The following COL15A1 variants were observed in gnomAD, a reference collection of about 807,000 sequenced individuals.
COL15A1 encodes the protein collagen alpha-1(XV) chain.
In COL15A1, 111 loss-of-function variants were observed where a neutral mutation model predicts 165.9. The ratio of observed to expected loss-of-function variants is 0.67; its 90% CI spans 0.57 to 0.78. COL15A1 has a LOEUF of 0.78. Ranked by LOEUF, COL15A1 falls within the 30% of genes least tolerant of loss-of-function variation. The pLI is 0.00. For missense variants in COL15A1, 1,745 were observed against 1,789.7 expected (o/e 0.98, Z 0.45); for synonymous variants, 659 against 674.8 (o/e 0.98, Z 0.36).
chr9:99,031,177 G>A (rs956875508), intron 16 of COL15A1, among the ~76,000 whole-genome samples: 13 of 152,102 alleles, frequency 8.5e-5, no homozygotes, highest in Admixed American at 1.3e-4. Flanking sequence ...GGCTTTGCTC[G>A]CAGAAATTCC....
At chr9:99,034,736 G>A (rs12238232) in intron 17 of COL15A1, 152 bp downstream of exon 17, 4 of 1,409,726 alleles carry the variant, frequency 2.8e-6, no homozygotes, top group East Asian at 2.5e-5. Flanking sequence ...ATTGCTCAGA[G>A]AAGGCAGAAC....
intron 5 of COL15A1, among the ~76,000 whole-genome samples, chr9:98,990,740 T>C (rs1838405992): frequency 6.6e-6 from 1 of 152,048 alleles, no homozygotes; most frequent in Admixed American, 6.6e-5. Context: ...TGGACAGAGA[T>C]AGAGAAGTGG....
At chr9:99,045,589 C>T (rs967115034) in intron 26 of COL15A1, among the ~76,000 whole-genome samples, 7 of 152,224 alleles carry the variant, frequency 4.6e-5, no homozygotes, top group African/African-American at 1.4e-4. Flanking sequence ...ACTGATGCTT[C>T]ACATAGGTCA....
chr9:98,949,828 A>G (rs868724324), intron 2 of COL15A1, among the ~76,000 whole-genome samples: 1 of 152,344 alleles, frequency 6.6e-6, no homozygotes, highest in Middle Eastern at 3.4e-3. Context: ...ATGCCCATTA[A>G]TCAATTGCTC....
chr9:98,958,752 C>T (rs923949045), intron 2 of COL15A1, among the ~76,000 whole-genome samples: 1 of 152,112 alleles, frequency 6.6e-6, no homozygotes, highest in Non-Finnish European at 1.5e-5. Context: ...GGGAAGTTCT[C>T]TAAGATGCCC....
intron 2 of COL15A1, among the ~76,000 whole-genome samples, chr9:98,973,256 G>A: frequency 6.8e-6 from 1 of 146,782 alleles, no homozygotes; most frequent in East Asian, 1.9e-4. Flanking sequence ...GAGAGAGAGG[G>A]AGAGAGAGAG....
intron 11 of COL15A1, among the ~76,000 whole-genome samples, chr9:99,019,677 T>G (rs1564060245): frequency 6.6e-6 from 1 of 151,788 alleles, no homozygotes; most frequent in Non-Finnish European, 1.5e-5. Flanking sequence ...GCCAGTTTTC[T>G]TCACTTCTCT....
chr9:98,977,034 C>A (rs1394412814), intron 2 of COL15A1, among the ~76,000 whole-genome samples: 1 of 152,012 alleles, frequency 6.6e-6, no homozygotes, highest in Non-Finnish European at 1.5e-5. Flanking sequence ...TCCAGTATGA[C>A]AATTGCATGG....
intron 6 of COL15A1, among the ~76,000 whole-genome samples, chr9:98,998,536 T>C (rs752771893): frequency 3.3e-5 from 5 of 152,178 alleles, no homozygotes; most frequent in Non-Finnish European, 5.9e-5. Flanking sequence ...AAGTTGCTGA[T>C]CAGTTTCCAA....
intron 9 of COL15A1, among the ~76,000 whole-genome samples, chr9:99,011,902 C>G (rs1170655277): frequency 6.6e-6 from 1 of 152,108 alleles, no homozygotes; most frequent in African/African-American, 2.4e-5. Flanking sequence ...TAAGTAGAAC[C>G]TTAAGATTAA....
chr9:98,986,697 G>T (rs62561179), intron 3 of COL15A1, among the ~76,000 whole-genome samples: 2 of 152,184 alleles, frequency 1.3e-5, no homozygotes, highest in Non-Finnish European at 2.9e-5. Flanking sequence ...GTCAGCACAC[G>T]TATTTACTGA....
chr9:99,054,501 C>T, intron 31 of COL15A1, 75 bp from the exon 32 acceptor site: 1 of 1,468,944 alleles, frequency 6.8e-7, no homozygotes. Flanking sequence ...AGTTTGAAAA[C>T]CTGTCTCAGA....
At chr9:98,962,234 G>T (rs1308757440) in intron 2 of COL15A1, among the ~76,000 whole-genome samples, 1 of 152,200 alleles carries the variant, frequency 6.6e-6, no homozygotes, top group Non-Finnish European at 1.5e-5. Flanking sequence ...GTTTGGGGAG[G>T]AATAACTCGG....
chr9:99,006,311 T>C (rs906334671), intron 9 of COL15A1, among the ~76,000 whole-genome samples: 1 of 152,268 alleles, frequency 6.6e-6, no homozygotes, highest in Non-Finnish European at 1.5e-5. Flanking sequence ...AGATTACTGA[T>C]ACAATATTTT....
At chr9:99,015,380 C>G in intron 9 of COL15A1, 37 bp from the exon 10 acceptor site, 4 of 1,540,052 alleles carry the variant, frequency 2.6e-6, no homozygotes, top group Non-Finnish European at 3.6e-6. Context: ...GGGGCATGGG[C>G]GAAGGGGCAC....
chr9:98,992,069 G>A (rs997228506), intron 5 of COL15A1, among the ~76,000 whole-genome samples: 10 of 152,246 alleles, frequency 6.6e-5, no homozygotes, highest in South Asian at 2.1e-4. Context: ...AGTGGATCCC[G>A]CACGAGGGCA....
intron 2 of COL15A1, among the ~76,000 whole-genome samples, chr9:98,962,708 G>C (rs1305528044): frequency 3.3e-5 from 5 of 152,272 alleles, no homozygotes; most frequent in Admixed American, 1.3e-4. Flanking sequence ...CCCAACTTGT[G>C]GGGGATATTT....
In COL15A1 at chr9:99,000,072, T is replaced by C. The variant is rs549307585; in HGVS notation, c.953-767T>C. 6.1e-3 allele frequency among the ~76,000 whole-genome samples: 923 copies of C among 152,274 alleles called. 7 individuals are homozygous for C. The highest frequency in any genetic ancestry group is 9.2e-3 in the Non-Finnish European group (629 of 68,018). ...TTTTAGTAGAGATGGGGTTTCACCA[T>C]GTTGGCCAGGCTGGTCTTGAACTCC... On this transcript the variant is annotated intron_variant, in intron 6 of 41. Transcript: ENST00000375001.
At chr9:98,948,531 G>A (rs1348545281) in intron 2 of COL15A1, among the ~76,000 whole-genome samples, 2 of 150,348 alleles carry the variant, frequency 1.3e-5, no homozygotes, top group East Asian at 2.0e-4. Context: ...CTGGGAGGCG[G>A]AGGTTGCAGT....
Sources: gnomAD v4.1 joint callset for allele counts (sites outside exome capture counted in the v4.1 genomes callset) on GRCh38, gnomAD v4.1.1 for gene constraint, MANE v1.5 for transcripts, NCBI Gene and HGNC (gene_info 2026-07-23, HGNC 2026-07-21) for gene names.